ZNF219: variants seen among roughly 807,000 people sequenced by gnomAD.
ZNF219 encodes the protein zinc finger protein 219.
Under a neutral mutation model 54.4 loss-of-function variants are expected in ZNF219, and 17 were observed. The observed-to-expected ratio is 0.31, with a 90% CI of 0.21 to 0.47. The LOEUF is 0.47. ZNF219 is among the 20% of genes least tolerant of loss of function. ZNF219 has a pLI of 1.00. For missense variants in ZNF219, 1,014 were observed against 1,062.3 expected (o/e 0.95, Z 0.63); for synonymous variants, 518 against 476.4 (o/e 1.09, Z -1.14).
At chr14:21,093,494 T>A in intron 2 of ZNF219, 92 bp downstream of exon 2, 1 of 1,511,882 alleles carries the variant, frequency 6.6e-7, no homozygotes, top group Non-Finnish European at 9.2e-7. Flanking sequence ...AGTTAACTTC[T>A]AATAATGGGA....
At chr14:21,102,824 AT>A, upstream of ZNF219, 1 of 1,537,064 alleles carries the variant, frequency 6.5e-7, no homozygotes. Flanking sequence ...CTGCCAACTA[AT>A]TTTTCCACTG....
Position 21,092,019 on chromosome 14 carries a change from A to G in ZNF219, c.1278T>C (p.Pro426=). ...CCTCCACCACCTCCTCTTCTTCCTC[A>G]GGCTCCTCCGCACGGTGCCGGCGAG... ...ARARRHRAEE[P]EEEEEVVEAE... is the part of the protein sequence containing the mutation. The change falls in exon 3 of 5, where the codon CCT becomes CCC. Residue 426 remains proline (P), a synonymous_variant. Coordinates refer to ENST00000360947, the MANE Select transcript of ZNF219 (RefSeq NM_016423.3). The G allele has an allele frequency of 6.4e-7, 1 of 1,553,096 alleles. No individual in the cohort carries two copies. Among genetic ancestry groups the G allele is most frequent in the South Asian group, 1.2e-5 (1 of 84,266 alleles).
Position 21,091,054 on chromosome 14 carries a change from C to A in ZNF219, c.1651G>T (p.Glu551Ter). ...CCGGGGCCGGCCCCGCTCCTCTGCT[C>A]CCGGTGGTGGCGCTGTAGGTGATAC... ...LKYHLQRHHREQRSGAGPGPP... is the reference protein window; with the variant it reads ...LKYHLQRHHR The change falls in exon 5 of 5, where the codon GAG becomes TAG. Residue 551 changes from glutamate to a stop codon, truncating the protein, a stop_gained. Coordinates refer to ENST00000360947, the MANE Select transcript of ZNF219 (RefSeq NM_016423.3). LOFTEE classifies it high-confidence loss of function. 6.4e-7 allele frequency: 1 copy of A among 1,561,384 alleles called. No homozygotes were observed. Among genetic ancestry groups the A allele is most frequent in the South Asian group, 1.2e-5 (1 of 85,856 alleles).
intron 1 of ZNF219, among the ~76,000 whole-genome samples, chr14:21,097,102 C>T (rs1247706969): frequency 1.3e-5 from 2 of 152,238 alleles, no homozygotes; most frequent in Non-Finnish European, 2.9e-5. Context: ...CACACAGACA[C>T]ACCAGTAGTT....
upstream of ZNF219, chr14:21,103,201 A>G: frequency 6.4e-7 from 1 of 1,551,616 alleles, no homozygotes; most frequent in Non-Finnish European, 8.7e-7. Flanking sequence ...CCAGCACAGG[A>G]GCAAATGAGA....
upstream of ZNF219, chr14:21,103,165 T>C: frequency 1.3e-6 from 2 of 1,551,716 alleles, no homozygotes; most frequent in Non-Finnish European, 1.7e-6. Flanking sequence ...AAGAGGTTCC[T>C]GGTTTGGAGA....
Position 21,091,889 on chromosome 14 carries a change from G to C in ZNF219, c.1408C>G (p.Gln470Glu), listed in dbSNP as rs115764390. The change falls in exon 3 of 5, where the codon CAG becomes GAG. Residue 470 changes from glutamine to glutamate, a missense_variant. Gln to Glu is a conservative substitution (Grantham distance 29). Around this residue, in one of 5 missense-constraint regions of ZNF219, gnomAD observed 272 missense variants for 248.9 expected, o/e 1.09. Coordinates refer to ENST00000360947, the MANE Select transcript of ZNF219 (RefSeq NM_016423.3). ...CCCTGCGTGGCGGTCGATCTTGCCT[G>C]GGCCCCAGCAGCAGAGGCAGAGTGC... ...PGHSASAAGA[Q>E]ARSTATQEEN... 4.1e-5 allele frequency: 65 copies of C among 1,576,344 alleles called. 1 individual carries two copies. In the African/African-American group the frequency reaches 7.5e-4, roughly 18 times the overall value.
chr14:21,093,074 G>A lies in ZNF219; in HGVS notation c.223C>T (p.His75Tyr), dbSNP rs1417288330. ...TGGGCTCCTGGGTGCGCCCGCAGGTGCAAAGCAAGGATAGAGTTGAAGCGG... is the reference window on the plus strand; with the variant it reads ...TGGGCTCCTGGGTGCGCCCGCAGGTACAAAGCAAGGATAGAGTTGAAGCGG... Reference protein sequence around the residue: ...RFRFNSILALHLRAHPGAQAF... With the variant: ...RFRFNSILALYLRAHPGAQAF... Residue 75 changes from histidine (H) to tyrosine (Y), a missense_variant, in exon 3 of 5, where the codon CAC (histidine) becomes TAC (tyrosine). His to Tyr is a moderately conservative substitution (Grantham distance 83). Around this residue, in one of 5 missense-constraint regions of ZNF219, gnomAD observed 395 missense variants for 415.1 expected, o/e 0.95. Transcript: ENST00000360947. 6.2e-7 allele frequency: 1 copy of A among 1,602,964 alleles called. No individual in the cohort carries two copies. Among genetic ancestry groups the A allele is most frequent in the Non-Finnish European group, 8.5e-7 (1 of 1,176,072 alleles).
chr14:21,096,568 C>T (rs1889286700), intron 1 of ZNF219, among the ~76,000 whole-genome samples: 2 of 152,226 alleles, frequency 1.3e-5, no homozygotes, highest in South Asian at 4.1e-4. Context: ...TAAACACCAT[C>T]CTCGAGACTT....
Position 21,093,656 on chromosome 14 carries a change from G to C in ZNF219, c.-65C>G. 6.2e-7 allele frequency: 1 copy of C among 1,614,106 alleles called. No individual in the cohort carries two copies. On this transcript the variant is annotated 5_prime_UTR_variant, in exon 2 of 5. Coordinates refer to ENST00000360947, the MANE Select transcript of ZNF219 (RefSeq NM_016423.3). ...AAGAGGAGGAAAAGCTGCTAATGAA[G>C]GCAACAGGTGCTGTGGAGCTAAAGC...
At chr14:21,103,519 C>G, upstream of ZNF219, 1 of 475,490 alleles carries the variant, frequency 2.1e-6, no homozygotes, top group South Asian at 2.5e-5. Context: ...TTTGCCTCAT[C>G]GCACTTTTCT....
upstream of ZNF219, chr14:21,103,520 G>A: frequency 1.3e-5 from 6 of 470,262 alleles, no homozygotes; most frequent in Non-Finnish European, 2.2e-5. Context: ...TTGCCTCATC[G>A]CACTTTTCTT....
At position 21,092,324 on chromosome 14, in the gene ZNF219, C is replaced by T. The variant is rs957075642; in HGVS notation, c.973G>A (p.Ala325Thr). The T allele has an allele frequency of 1.3e-6, 2 of 1,562,270 alleles. No homozygotes were observed. The highest frequency in any genetic ancestry group is 1.7e-6 in the Non-Finnish European group (2 of 1,156,490). Reference protein sequence around the residue: ...WFLKNHMKVHASKLGPLRAPG... With the variant: ...WFLKNHMKVHTSKLGPLRAPG... ...GCACGCAGTGGGCCCAGCTTGCTGGCGTGCACCTTCATGTGGTTCTTAAGG... is the reference window on the plus strand; with the variant it reads ...GCACGCAGTGGGCCCAGCTTGCTGGTGTGCACCTTCATGTGGTTCTTAAGG... Residue 325 changes from alanine to threonine, a missense_variant, in exon 3 of 5, where the codon GCC (alanine) becomes ACC (threonine). Around this residue, in one of 5 missense-constraint regions of ZNF219, gnomAD observed 28 missense variants for 59.8 expected, o/e 0.47. Coordinates refer to ENST00000360947, the MANE Select transcript of ZNF219 (RefSeq NM_016423.3).
In ZNF219 at chr14:21,092,637, CGCCAGGGGACGCTCG is replaced by C. The variant is rs745779263; in HGVS notation, c.645_659del (p.Glu216_Ala220del). The stretch of plus-strand genomic sequence containing the variant: ...GAGGCGGAGGCGCAGCGGAGGTGGC[CGCCAGGGGACGCTCG>C]GGAGCCCCGTGGGCCGTCAGGCTGT... On this transcript the variant is annotated inframe_deletion, in exon 3 of 5. Transcript: ENST00000360947. 6.4e-7 allele frequency: 1 copy of C among 1,560,292 alleles called. No individual in the cohort carries two copies. The highest frequency in any genetic ancestry group is 2.3e-5 in the East Asian group (1 of 42,936).
chr14:21,098,469 C>A lies in ZNF219; in HGVS notation c.-241G>T, dbSNP rs1889437751. On this transcript the variant is annotated 5_prime_UTR_variant, in exon 1 of 5. The change creates a premature stop within an existing upstream ORF in the 5' untranslated region. Transcript: ENST00000360947. ...CCCGGCCCCCGCCCCCTCCCCGGTCCCCCGCCCCCGGCCCTGGCCCGCATT... is the reference window on the plus strand; with the variant it reads ...CCCGGCCCCCGCCCCCTCCCCGGTCACCCGCCCCCGGCCCTGGCCCGCATT... 8 of 972,620 alleles carry A rather than the reference C, an allele frequency of 8.2e-6. No homozygotes were observed. The highest frequency in any genetic ancestry group is 9.8e-6 in the Non-Finnish European group (8 of 820,322). The allele number at this position is 972,620 out of a possible 1,614,324, so 60.2% of individuals were successfully genotyped here.
At position 21,091,960 on chromosome 14, in the gene ZNF219, A is replaced by G. The variant is rs1192124901; in HGVS notation, c.1337T>C (p.Leu446Pro). The change falls in exon 3 of 5, where the codon CTG (leucine) becomes CCG (proline). Residue 446 changes from leucine (L) to proline (P), a missense_variant. By Grantham distance (98) the Leu-to-Pro change is moderately conservative. This residue lies in a region of ZNF219 where 272 missense variants were observed against 248.9 expected (regional missense o/e 1.09). Transcript: ENST00000360947. ...CGGGTGCAGGGAAGCCAGAGAGCCC[A>G]GCGACCTGCCCCGGGCCCAGGTTTC... ...EEETWARGRS[L>P]GSLASLHPRP... 1 of 1,589,842 alleles carries G rather than the reference A, an allele frequency of 6.3e-7. No individual in the cohort carries two copies.
In ZNF219 at chr14:21,090,675, CG is replaced by C. The variant is rs1566545554; in HGVS notation, c.2029del (p.Arg677GlyfsTer71). The C allele has an allele frequency of 6.2e-7, 1 of 1,612,068 alleles. No homozygotes were observed. Among genetic ancestry groups the C allele is most frequent in the Admixed American group, 1.7e-5 (1 of 59,968 alleles). The part of the protein sequence containing the change: ...VHHSRRARGR[R>X]PPQADASPPY... ...CGGGGACGCGTCAGCCTGGGGTGGC[CG>C]GCGGCCCCTAGCCCGGCGGCTGTGG... On this transcript the variant is annotated frameshift_variant, in exon 5 of 5. Coordinates refer to ENST00000360947, the MANE Select transcript of ZNF219 (RefSeq NM_016423.3). LOFTEE classifies it high-confidence loss of function. This position sits in a 1 kb window ranked among gnomAD's most constrained non-coding sequence, Gnocchi z 4.4.
At chr14:21,103,622 C>A, upstream of ZNF219, 1 of 210,134 alleles carries the variant, frequency 4.8e-6, no homozygotes, top group South Asian at 6.6e-5. Context: ...CCCCAGTTCC[C>A]CTTTCGATCC....
At chr14:21,094,385 A>G (rs1889160411) in intron 1 of ZNF219, 1 of 455,884 alleles carries the variant, frequency 2.2e-6, no homozygotes, top group African/African-American at 2.0e-5. Flanking sequence ...TAAAAACTGC[A>G]AATACCGTAT....
Sources: gnomAD v4.1 joint callset for allele counts (sites outside exome capture counted in the v4.1 genomes callset) on GRCh38, gnomAD v4.1.1 for gene constraint, gnomAD v4.1.1 regional missense constraint, Gnocchi (gnomAD v3.1) non-coding constraint, MANE v1.5 for transcripts, NCBI Gene and HGNC (gene_info 2026-07-23, HGNC 2026-07-21) for gene names.